SCAMP4: variants seen among roughly 807,000 people sequenced by gnomAD.
SCAMP4 encodes secretory carrier-associated membrane protein 4.
Under a neutral mutation model 32.1 loss-of-function variants are expected in SCAMP4, and 19 were observed. That is an observed-to-expected ratio of 0.59 (90% CI 0.41 to 0.87). SCAMP4 has a LOEUF of 0.87. SCAMP4 is among the 40% of genes least tolerant of loss of function. The pLI is 0.00. For synonymous variants in SCAMP4, 152 were observed against 132.7 expected, an observed-to-expected ratio of 1.15 and a Z score of -1.00; for missense variants, 302 against 309.0, an observed-to-expected ratio of 0.98 and a Z score of 0.17.
Position 1,919,024 on chromosome 19 carries a change from A to G in SCAMP4, c.395+34A>G, listed in dbSNP as rs769498209. ...CTCTCTGATGGGCGTGGTGGCTGTG[A>G]TGTGGCTCAGCTGCCAGGTTGTGGG... is the stretch of plus-strand genomic sequence containing the variant. On this transcript the variant is annotated intron_variant, in intron 5 of 6. Transcript: ENST00000316097. The G allele has an allele frequency of 5.1e-6, 8 of 1,575,890 alleles. No homozygotes were observed. The African/African-American group carries it at 1.1e-4, about 21-fold the overall frequency.
intron 1 of SCAMP4, among the ~76,000 whole-genome samples, chr19:1,914,340 C>T (rs1346497001): frequency 2.0e-5 from 3 of 152,100 alleles, no homozygotes; most frequent in Admixed American, 6.5e-5. Flanking sequence ...GGACTGTGGG[C>T]GGGAGGCAGC....
In SCAMP4 at chr19:1,923,763, C is replaced by T. The variant is rs568855211; in HGVS notation, c.514-345C>T. Among the ~76,000 whole-genome samples the T allele has an allele frequency of 5.9e-4, 87 of 147,466 alleles. 10 individuals carry two copies. In the South Asian group the frequency reaches 7.2e-3, roughly 12 times the overall value. On this transcript the variant is annotated intron_variant, in intron 6 of 6. Transcript: ENST00000316097. ...CCTCCCGAGTAGCTGGGACTACAGG[C>T]GCCCGCTACCGCACCTGGCTAATTA...
intron 5 of SCAMP4, chr19:1,922,602 C>T (rs2013954979): frequency 3.0e-6 from 3 of 985,222 alleles, no homozygotes; most frequent in Non-Finnish European, 1.2e-6. Flanking sequence ...ATCCGCATTG[C>T]TCCCGGACAT....
intron 5 of SCAMP4, chr19:1,921,936 G>A (rs1258405298): frequency 1.0e-5 from 10 of 985,396 alleles, no homozygotes; most frequent in African/African-American, 8.7e-5. Flanking sequence ...GGGGGGTACC[G>A]CGTGTGCGTG....
chr19:1,912,443 C>G lies in SCAMP4; in HGVS notation c.-41-2536C>G. 5 of 1,507,346 alleles carry G rather than the reference C, an allele frequency of 3.3e-6. No homozygotes were observed. In the South Asian group the frequency reaches 4.9e-5, roughly 15 times the overall value. 93.4% of individuals were successfully genotyped at this position (1,507,346 alleles called of 1,614,324 possible). A position where few individuals can be genotyped will look rare whatever the true frequency, so the allele number is the denominator to read the frequency against. ...AGCTCCTGCCACGGCCGGCTGTGGA[C>G]CCCCGCGGCCTGGGGCAACCCTTCC... is the stretch of plus-strand genomic sequence containing the variant. On this transcript the variant is annotated intron_variant, in intron 1 of 6. Coordinates refer to ENST00000316097, the MANE Select transcript of SCAMP4 (RefSeq NM_079834.4).
intron 5 of SCAMP4, 193 bp from the exon 6 acceptor site, chr19:1,922,877 G>T (rs771527990): frequency 3.0e-6 from 4 of 1,329,272 alleles, no homozygotes; most frequent in Non-Finnish European, 3.8e-6. Context: ...GAGGGATAAG[G>T]TCGTATTCAC....
At chr19:1,912,495 C>T (rs2013520017) in intron 1 of SCAMP4, 6 of 1,497,808 alleles carry the variant, frequency 4.0e-6, no homozygotes. Context: ...CCGGCCGCCT[C>T]TGACCAGGGG....
chr19:1,922,707 T>C, intron 5 of SCAMP4: 1 of 996,478 alleles, frequency 1.0e-6, no homozygotes, highest in Non-Finnish European at 1.2e-6. Context: ...AGTCTTTCCA[T>C]GGCTGGTGCC....
chr19:1,919,011 C>T (rs746205473), intron 5 of SCAMP4, 21 bp downstream of exon 5: 34 of 1,587,820 alleles, frequency 2.1e-5, no homozygotes, highest in South Asian at 9.2e-5. Context: ...CTCTGATGGG[C>T]GTGGTGGCTG....
Position 1,909,320 on chromosome 19 carries a change from C to T in SCAMP4, c.-42+3881C>T, listed in dbSNP as rs576289326. Among the ~76,000 whole-genome samples, 76 of 152,262 alleles carry T rather than the reference C, an allele frequency of 5.0e-4. No homozygotes were observed. The Middle Eastern group carries it at 0.01, about 20-fold the overall frequency. On this transcript the variant is annotated intron_variant, in intron 1 of 6. Transcript: ENST00000316097. ...GAGCAGTCCCTGCAGGCTGGCTGTCCCCACGCCTGCCTCTCTGCTGTGCTG... is the reference window on the plus strand; with the variant it reads ...GAGCAGTCCCTGCAGGCTGGCTGTCTCCACGCCTGCCTCTCTGCTGTGCTG...
In SCAMP4 at chr19:1,918,157, TTGCC is replaced by T. The variant is rs764793658; in HGVS notation, c.174_177del (p.Cys58TrpfsTer60). The stretch of plus-strand genomic sequence containing the variant: ...TGCGCCACCCTCGGCGTCAACCTCA[TTGCC>T]TGCCTGGCCTGGTGGATCGGCGGAG... On this transcript the variant is annotated frameshift_variant, in exon 4 of 7. Coordinates refer to ENST00000316097, the MANE Select transcript of SCAMP4 (RefSeq NM_079834.4). LOFTEE classifies it high-confidence loss of function. 4 of 1,612,862 alleles carry T rather than the reference TTGCC, an allele frequency of 2.5e-6. No homozygotes were observed. Among genetic ancestry groups the T allele is most frequent in the African/African-American group, 2.7e-5 (2 of 74,946 alleles).
intron 5 of SCAMP4, chr19:1,920,186 C>T (rs189533478): frequency 3.0e-5 from 30 of 985,320 alleles, no homozygotes; most frequent in East Asian, 1.1e-4. Context: ...TGACTGTTCT[C>T]GCCCACGTCC....
chr19:1,922,318 G>C, intron 5 of SCAMP4: 2 of 945,316 alleles, frequency 2.1e-6, no homozygotes, highest in South Asian at 9.8e-5. Context: ...GGAGAGCAAC[G>C]GCACGATCTC....
Position 1,919,418 on chromosome 19 carries a change from C to G in SCAMP4, c.395+428C>G, listed in dbSNP as rs900734985. 3 of 985,132 alleles carry G rather than the reference C, an allele frequency of 3.0e-6. No homozygotes were observed. The Admixed American group carries it at 1.8e-4, about 61-fold the overall frequency. The allele number at this position is 985,132 out of a possible 1,614,324, so 61.0% of individuals were successfully genotyped here. ...GTGCTGTTACCACACCTGAGAAACT[C>G]ACAGTCACTCTCTAAGGCTGCCAGG... On this transcript the variant is annotated intron_variant, in intron 5 of 6. Coordinates refer to ENST00000316097, the MANE Select transcript of SCAMP4 (RefSeq NM_079834.4).
chr19:1,910,466 TA>T (rs1294581008), intron 1 of SCAMP4, among the ~76,000 whole-genome samples: 1 of 152,150 alleles, frequency 6.6e-6, no homozygotes, highest in Non-Finnish European at 1.5e-5. Flanking sequence ...AGTTTTCTCT[TA>T]GGGGTGATGG....
At chr19:1,909,909 C>A (rs2013348071) in intron 1 of SCAMP4, among the ~76,000 whole-genome samples, 1 of 152,364 alleles carries the variant, frequency 6.6e-6, no homozygotes, top group South Asian at 2.1e-4. Context: ...CGTTTCGTGG[C>A]TTGTCTTCTG....
intron 5 of SCAMP4, chr19:1,919,222 G>A (rs1056233538): frequency 3.0e-5 from 41 of 1,385,030 alleles, no homozygotes; most frequent in Middle Eastern, 2.7e-4. Context: ...GGAGGGGTCC[G>A]AGCTCGCCCT....
chr19:1,906,866 T>TGGTTGTGTGTGTGTGTG (rs1555836653), intron 1 of SCAMP4: 5 of 130,092 alleles, frequency 3.8e-5, no homozygotes, highest in African/African-American at 1.2e-4. Context: ...AAAAAAAAAA[T>TGGTTGTGTGTGTGTGTG]TGTGTGTGTG....
Position 1,907,819 on chromosome 19 carries a change from G to T in SCAMP4, c.-42+2380G>T, listed in dbSNP as rs565326771. Among the ~76,000 whole-genome samples, 2 of 152,264 alleles carry T rather than the reference G, an allele frequency of 1.3e-5. 1 individual carries two copies. The highest frequency in any genetic ancestry group is 4.1e-4 in the South Asian group (2 of 4,824). On this transcript the variant is annotated intron_variant, in intron 1 of 6. Transcript: ENST00000316097. ...GAGGGTCAGGTGGCCCCCTGCTGTT[G>T]GGGGGCAGTCGCTGTGGGAGTGAGT...
Sources: allele counts gnomAD v4.1 joint callset (sites outside exome capture counted in the v4.1 genomes callset), GRCh38; gene constraint gnomAD v4.1.1; transcripts MANE v1.5; gene names NCBI Gene and HGNC (gene_info 2026-07-23, HGNC 2026-07-21).